Variants in ZC3HAV1 observed in about 807,000 individuals in gnomAD.
ZC3HAV1 encodes the protein zinc finger CCCH-type antiviral protein 1.
A neutral mutation model predicts 86.6 loss-of-function variants in ZC3HAV1; 41 were observed. The ratio of observed to expected loss-of-function variants is 0.47; its 90% CI spans 0.37 to 0.61. ZC3HAV1 has a LOEUF of 0.61. Among genes scored for constraint, ZC3HAV1 ranks in the 20% least tolerant of loss-of-function variants. The pLI, the probability that ZC3HAV1 is intolerant of heterozygous loss-of-function variation, is 0.00. For missense variants in ZC3HAV1, 964 were observed against 1,141.1 expected, an observed-to-expected ratio of 0.84 and a Z score of 2.24; for synonymous variants, 421 against 432.1, an observed-to-expected ratio of 0.97 and a Z score of 0.32.
At chr7:139,059,149 C>A (rs1563125551) in intron 9 of ZC3HAV1, among the ~76,000 whole-genome samples, 1 of 152,250 alleles carries the variant, frequency 6.6e-6, no homozygotes, top group East Asian at 1.9e-4. Context: ...TGAATGTGAA[C>A]AGCCCCTCCC....
chr7:139,088,031 C>CAAAAA (rs10544425), intron 2 of ZC3HAV1, among the ~76,000 whole-genome samples: 142 of 57,764 alleles, frequency 2.5e-3, no homozygotes, highest in East Asian at 3.6e-3. Flanking sequence ...GATCCTGTCT[C>CAAAAA]AAAAAAAAAA....
intron 1 of ZC3HAV1, among the ~76,000 whole-genome samples, chr7:139,090,133 C>A (rs1817388522): frequency 6.6e-6 from 1 of 152,052 alleles, no homozygotes; most frequent in Admixed American, 6.6e-5. Flanking sequence ...GTTAGCCAGG[C>A]TGGTCTTGAA....
chr7:139,076,417 G>A lies in ZC3HAV1; in HGVS notation c.1574-8C>T. 1 of 1,613,888 alleles carries A rather than the reference G, an allele frequency of 6.2e-7. No individual in the cohort carries two copies. The highest frequency in any genetic ancestry group is 8.5e-7 in the Non-Finnish European group (1 of 1,179,902). ...GGACTTTGCTGCAGCTACCTACAAA[G>A]ACAAAGAAGGGGTCTGAGGGACTGT... On this transcript the variant is annotated splice_region_variant and splice_polypyrimidine_tract_variant and intron_variant, in intron 5 of 12. Transcript: ENST00000242351.
rs1839606 is a variant in ZC3HAV1 at position 139,108,931 on chromosome 7, G to C, written c.308+93C>G. On this transcript the variant is annotated intron_variant, in intron 1 of 12. Coordinates refer to ENST00000242351, the MANE Select transcript of ZC3HAV1 (RefSeq NM_020119.4). The surrounding 1 kb of genome is among the most constrained non-coding windows in gnomAD (Gnocchi z 4.2). ...CGGAGGCTGTCAGGTGCGGGGTCCC[G>C]GCGAAGCCGTGCCCCTCCCAGAACA... 334,756 of 1,427,492 alleles carry C rather than the reference G, an allele frequency of 0.23. 42,629 individuals carry two copies. Among genetic ancestry groups the C allele is most frequent in the East Asian group, 0.48 (18,917 of 39,314 alleles). 88.4% of individuals were successfully genotyped at this position (1,427,492 alleles called of 1,614,324 possible).
In ZC3HAV1 at chr7:139,080,077, C is replaced by T. The variant is rs766936579; in HGVS notation, c.864G>A (p.Ala288=). The change falls in exon 4 of 13, where the codon GCG becomes GCA. Residue 288 remains alanine (A), a synonymous_variant. Coordinates refer to ENST00000242351, the MANE Select transcript of ZC3HAV1 (RefSeq NM_020119.4). The stretch of plus-strand genomic sequence containing the variant: ...ACTTGCGGGTGAGATCGTCCACAGG[C>T]GCGTCCTCCAGGGAAGCCCTGTGGC... ...QISHRASLED[A]PVDDLTRKFT... 1.8e-5 allele frequency: 29 copies of T among 1,614,012 alleles called. No individual in the cohort carries two copies. The Admixed American group carries it at 2.3e-4, about 13-fold the overall frequency.
At chr7:139,080,595 G>A (rs1817100957) in intron 3 of ZC3HAV1, among the ~76,000 whole-genome samples, 1 of 152,136 alleles carries the variant, frequency 6.6e-6, no homozygotes, top group African/African-American at 2.4e-5. Flanking sequence ...TGTGTCAGCT[G>A]ATGAAAGAAT....
chr7:139,055,036 C>T (rs1407109961), intron 10 of ZC3HAV1, among the ~76,000 whole-genome samples, 169 bp downstream of exon 10: 2 of 152,134 alleles, frequency 1.3e-5, no homozygotes, highest in African/African-American at 2.4e-5. Context: ...GCAATCCACT[C>T]GCCTCGGCCT....
intron 1 of ZC3HAV1, 21 bp from the exon 2 acceptor site, chr7:139,089,780 G>C (rs753516421): frequency 1.4e-5 from 22 of 1,601,218 alleles, no homozygotes; most frequent in Non-Finnish European, 1.5e-5. Context: ...ACACGACAAT[G>C]GTCAGTATTT....
Position 139,079,932 on chromosome 7 carries a change from C to G in ZC3HAV1, c.1009G>C (p.Glu337Gln). The stretch of plus-strand genomic sequence containing the variant: ...CCTGGATTTCCATGCAAGAGGTCCT[C>G]TTGACTGCCGTTCTCTAAAAACCTC... ...SQRFLENGSQ[E>Q]DLLHGNPGST... is the part of the protein sequence containing the mutation. The change falls in exon 4 of 13, where the codon GAG becomes CAG. Residue 337 changes from glutamate to glutamine, a missense_variant. Coordinates refer to ENST00000242351, the MANE Select transcript of ZC3HAV1 (RefSeq NM_020119.4). The G allele has an allele frequency of 6.2e-7, 1 of 1,614,188 alleles. No individual in the cohort carries two copies. Among genetic ancestry groups the G allele is most frequent in the Non-Finnish European group, 8.5e-7 (1 of 1,180,036 alleles).
Position 139,099,550 on chromosome 7 carries a change from C to A in ZC3HAV1, c.308+9474G>T, listed in dbSNP as rs1313030691. On this transcript the variant is annotated intron_variant, in intron 1 of 12. Coordinates refer to ENST00000242351, the MANE Select transcript of ZC3HAV1 (RefSeq NM_020119.4). ...GGCTGAGGAAAGGGGAGAATGAGGA[C>A]TGGTTCCTGATGGTTGTGGGGTTTC... Among the ~76,000 whole-genome samples the A allele has an allele frequency of 2.0e-5, 3 of 152,180 alleles. No homozygotes were observed. In the East Asian group the frequency reaches 5.8e-4, roughly 29 times the overall value.
chr7:139,089,609 G>A lies in ZC3HAV1; in HGVS notation c.444+15C>T. 6.3e-7 allele frequency: 1 copy of A among 1,595,280 alleles called. No individual in the cohort carries two copies. The highest frequency in any genetic ancestry group is 1.1e-5 in the South Asian group (1 of 87,496). On this transcript the variant is annotated intron_variant, in intron 2 of 12. Coordinates refer to ENST00000242351, the MANE Select transcript of ZC3HAV1 (RefSeq NM_020119.4). ...GTAATATTCTCCCTCCTTAAACTGA[G>A]GAATCACAACTTACCTCGGGCATAA...
chr7:139,059,102 C>T (rs760949861), intron 9 of ZC3HAV1, among the ~76,000 whole-genome samples: 5 of 152,138 alleles, frequency 3.3e-5, no homozygotes, highest in African/African-American at 4.8e-5. Context: ...ACGATTGTAA[C>T]GAATGGAAAG....
intron 1 of ZC3HAV1, among the ~76,000 whole-genome samples, chr7:139,097,422 A>G (rs369130897): frequency 1.3e-5 from 1 of 79,522 alleles, no homozygotes; most frequent in Admixed American, 1.3e-4. Context: ...ATATATATAT[A>G]TATATATTTT....
intron 8 of ZC3HAV1, among the ~76,000 whole-genome samples, chr7:139,061,782 G>A (rs1016309591): frequency 2.0e-5 from 3 of 152,188 alleles, no homozygotes; most frequent in Non-Finnish European, 2.9e-5. Context: ...TCACAGCAGC[G>A]TTATTATGAT....
chr7:139,081,746 T>C (rs1274018245), intron 3 of ZC3HAV1, among the ~76,000 whole-genome samples: 5 of 152,246 alleles, frequency 3.3e-5, no homozygotes, highest in Non-Finnish European at 7.3e-5. Flanking sequence ...TACCTTTCTT[T>C]GTGGTTTCAC....
Position 139,078,565 on chromosome 7 carries a change from A to G in ZC3HAV1, c.1560T>C (p.Gly520=), listed in dbSNP as rs779341905. Reference sequence around the variant, plus strand: ...TAGGTTACTCACCATTAAGCGGACAACCCTTACACAGATGGTCAAGACAAA... The same window carrying G: ...TAGGTTACTCACCATTAAGCGGACAGCCCTTACACAGATGGTCAAGACAAA... ...EEICLDHLCK[G]CPLNGSCSKV... Residue 520 remains glycine (G), a synonymous_variant, in exon 5 of 13, where the codon GGT becomes GGC. Transcript: ENST00000242351. 7 of 1,591,734 alleles carry G rather than the reference A, an allele frequency of 4.4e-6. No individual in the cohort carries two copies. In the South Asian group the frequency reaches 8.2e-5, roughly 19 times the overall value.
chr7:139,057,732 G>A (rs1816329622), intron 9 of ZC3HAV1, among the ~76,000 whole-genome samples: 1 of 43,272 alleles, frequency 2.3e-5, no homozygotes, highest in Non-Finnish European at 4.4e-5. Context: ...AGTAGAGATG[G>A]GGTTTCACCG....
intron 1 of ZC3HAV1, among the ~76,000 whole-genome samples, chr7:139,097,401 C>CATATATATATATATATATAT (rs1183885767): frequency 6.7e-4 from 43 of 63,832 alleles, no homozygotes; most frequent in East Asian, 1.8e-3. Flanking sequence ...ATTGGAACTC[C>CATATATATATATATATATAT]ATATATATAT....
In ZC3HAV1 at chr7:139,057,531, C is replaced by CTTTTTTTTTTTT. The variant is rs1294729334; in HGVS notation, c.2097-2237_2097-2236insAAAAAAAAAAAA. Among the ~76,000 whole-genome samples, 3 of 78,570 alleles carry CTTTTTTTTTTTT rather than the reference C, an allele frequency of 3.8e-5. 1 individual carries two copies. Among genetic ancestry groups the CTTTTTTTTTTTT allele is most frequent in the Non-Finnish European group, 7.4e-5 (3 of 40,418 alleles). 51.5% of individuals were successfully genotyped at this position (78,570 alleles called of 152,430 possible). ...AAATTTTCCATGATCAAAACAATTA[C>CTTTTTTTTTTTT]ATTTTTTTTTTTTTTTTTTTTTTTT... On this transcript the variant is annotated intron_variant, in intron 9 of 12. Coordinates refer to ENST00000242351, the MANE Select transcript of ZC3HAV1 (RefSeq NM_020119.4).
Sources: allele counts gnomAD v4.1 joint callset (sites outside exome capture counted in the v4.1 genomes callset), GRCh38; gene constraint gnomAD v4.1.1; non-coding constraint Gnocchi (gnomAD v3.1); transcripts MANE v1.5; gene names NCBI Gene and HGNC (gene_info 2026-07-23, HGNC 2026-07-21).